The following TUBGCP3 variants were observed in gnomAD, a reference collection of about 807,000 sequenced individuals.
TUBGCP3 encodes the protein tubulin gamma complex component 3, also known as gamma-tubulin complex component 3.
A neutral mutation model predicts 123.1 loss-of-function variants in TUBGCP3; 50 were observed. That is an observed-to-expected ratio of 0.41 (90% CI 0.32 to 0.51). TUBGCP3 has a LOEUF of 0.51. Among genes scored for constraint, TUBGCP3 ranks in the 20% least tolerant of loss-of-function variants. TUBGCP3 has a pLI of 0.36. For missense variants in TUBGCP3, 882 were observed against 1,127.0 expected (o/e 0.78, Z 3.11); for synonymous variants, 405 against 413.9 (o/e 0.98, Z 0.26).
intron 11 of TUBGCP3, among the ~76,000 whole-genome samples, chr13:112,533,720 G>A (rs1387312826): frequency 6.7e-6 from 1 of 149,560 alleles, no homozygotes; most frequent in Non-Finnish European, 1.5e-5. Context: ...TAAAAAATAA[G>A]CCCGCATATT....
the TUBGCP3 span, among the ~76,000 whole-genome samples, chr13:112,601,042 G>C: frequency 6.6e-6 from 1 of 152,080 alleles, no homozygotes; most frequent in Admixed American, 6.5e-5. Context: ...ACAAAAATTA[G>C]TCAAACGCAG....
intron 1 of TUBGCP3, among the ~76,000 whole-genome samples, chr13:112,571,328 A>C: frequency 6.6e-6 from 1 of 152,236 alleles, no homozygotes; most frequent in East Asian, 1.9e-4. Context: ...TGCAGAACAG[A>C]TGCATGTTAG....
At chr13:112,504,836 C>A in intron 17 of TUBGCP3, 122 bp from the exon 18 acceptor site, 1 of 785,272 alleles carries the variant, frequency 1.3e-6, no homozygotes, top group Non-Finnish European at 2.1e-6. Context: ...AATTCTTGAC[C>A]CCTTAACAGG....
At position 112,562,445 on chromosome 13, in the gene TUBGCP3, G is replaced by A. The variant is rs549248037; in HGVS notation, c.252+2666C>T. Among the ~76,000 whole-genome samples the A allele has an allele frequency of 2.0e-5, 3 of 152,330 alleles. No homozygotes were observed. In the South Asian group the frequency reaches 6.2e-4, roughly 32 times the overall value. On this transcript the variant is annotated intron_variant, in intron 3 of 21. Transcript: ENST00000261965. ...GCAGGGACTGCCCTCAGGAGCTGTG[G>A]TCACAGCTACGCCACTGACAAACAG...
chr13:112,593,472 A>C, the TUBGCP3 span, among the ~76,000 whole-genome samples: 2 of 152,104 alleles, frequency 1.3e-5, no homozygotes, highest in African/African-American at 4.8e-5. Flanking sequence ...CAGGAGTTTG[A>C]GACCAGCCTA....
intron 13 of TUBGCP3, among the ~76,000 whole-genome samples, chr13:112,525,357 C>T (rs774666244): frequency 1.1e-4 from 16 of 152,126 alleles, no homozygotes; most frequent in African/African-American, 1.9e-4. Flanking sequence ...ATACCCAAAG[C>T]GCTTCACCTG....
intron 17 of TUBGCP3, among the ~76,000 whole-genome samples, chr13:112,514,474 G>C: frequency 6.6e-6 from 1 of 151,990 alleles, no homozygotes; most frequent in East Asian, 1.9e-4. Flanking sequence ...CAACAAAGGG[G>C]GACCCCATCT....
At chr13:112,525,041 G>A (rs1876935950) in intron 13 of TUBGCP3, among the ~76,000 whole-genome samples, 1 of 152,150 alleles carries the variant, frequency 6.6e-6, no homozygotes, top group Admixed American at 6.5e-5. Context: ...GCCAAGTCCT[G>A]TTAAGAGAAC....
At chr13:112,554,275 T>C (rs2139209712) in intron 7 of TUBGCP3, 93 bp from the exon 8 acceptor site, 2 of 1,423,446 alleles carry the variant, frequency 1.4e-6, no homozygotes, top group Non-Finnish European at 9.5e-7. Flanking sequence ...TTTAATACTA[T>C]AATCCTTAGG....
At chr13:112,580,255 G>A (rs925291079) in intron 1 of TUBGCP3, among the ~76,000 whole-genome samples, 6 of 151,916 alleles carry the variant, frequency 3.9e-5, no homozygotes, top group Admixed American at 6.6e-5. Context: ...GATACTAAAG[G>A]ACAATTTAAA....
intron 20 of TUBGCP3, chr13:112,498,747 T>G: frequency 1.3e-6 from 2 of 1,511,086 alleles, no homozygotes; most frequent in Non-Finnish European, 1.8e-6. Flanking sequence ...CTGTGGAGAT[T>G]CCGACGGGTG....
At chr13:112,541,014 G>C (rs1878476931) in intron 11 of TUBGCP3, among the ~76,000 whole-genome samples, 1 of 152,072 alleles carries the variant, frequency 6.6e-6, no homozygotes, top group Non-Finnish European at 1.5e-5. Context: ...AACCACACTA[G>C]TCCTAAGGGT....
At chr13:112,560,596 C>T (rs1343351859) in intron 3 of TUBGCP3, among the ~76,000 whole-genome samples, 1 of 152,214 alleles carries the variant, frequency 6.6e-6, no homozygotes, top group Non-Finnish European at 1.5e-5. Context: ...TCTATTCAGA[C>T]AGCCTTACCT....
intron 17 of TUBGCP3, among the ~76,000 whole-genome samples, chr13:112,510,496 G>C (rs974259500): frequency 1.3e-5 from 2 of 152,106 alleles, no homozygotes; most frequent in Non-Finnish European, 2.9e-5. Context: ...CATTTGTTAA[G>C]ACCTAGGATT....
At chr13:112,503,461 C>T (rs1311658499) in intron 19 of TUBGCP3, among the ~76,000 whole-genome samples, 3 of 152,058 alleles carry the variant, frequency 2.0e-5, no homozygotes, top group Admixed American at 1.3e-4. Flanking sequence ...CCTCTGCCAC[C>T]CGGGTTGAAG....
At chr13:112,509,682 T>G (rs1881539947) in intron 17 of TUBGCP3, among the ~76,000 whole-genome samples, 1 of 152,216 alleles carries the variant, frequency 6.6e-6, no homozygotes, top group Non-Finnish European at 1.5e-5. Flanking sequence ...GACATATGGT[T>G]GCTGCTGAGG....
intron 7 of TUBGCP3, 107 bp from the exon 8 acceptor site, chr13:112,554,289 C>A: frequency 7.5e-7 from 1 of 1,329,672 alleles, no homozygotes; most frequent in South Asian, 1.5e-5. Context: ...CCTTAGGCTT[C>A]AAGACATAAA....
intron 21 of TUBGCP3, 112 bp downstream of exon 21, chr13:112,489,469 A>AT (rs1879927122): frequency 6.3e-6 from 5 of 795,382 alleles, no homozygotes; most frequent in Non-Finnish European, 8.8e-6. Context: ...ACCTACACAA[A>AT]TAAGTGTCAG....
intron 2 of TUBGCP3, among the ~76,000 whole-genome samples, chr13:112,565,566 A>AG (rs1279699770): frequency 1.3e-5 from 2 of 152,248 alleles, no homozygotes; most frequent in African/African-American, 4.8e-5. Context: ...CCTGAATCCA[A>AG]GGGCAGTAAG....
Sources: gnomAD v4.1 joint callset for allele counts (sites outside exome capture counted in the v4.1 genomes callset) on GRCh38, gnomAD v4.1.1 for gene constraint, MANE v1.5 for transcripts, NCBI Gene and HGNC (gene_info 2026-07-23, HGNC 2026-07-21) for gene names.